TRPM7: variants seen among roughly 807,000 people sequenced by gnomAD.
The protein encoded by TRPM7 is transient receptor potential cation channel subfamily M member 7.
In TRPM7, 134 loss-of-function variants were observed where a neutral mutation model predicts 229.7. The observed-to-expected ratio is 0.58, with a 90% confidence interval of 0.51 to 0.67. TRPM7 has a LOEUF of 0.67. Among genes scored for constraint, TRPM7 ranks in the 30% least tolerant of loss-of-function variants. The pLI, the probability that TRPM7 is intolerant of heterozygous loss-of-function variation, is 0.00. For synonymous variants in TRPM7, 699 were observed against 715.2 expected (o/e 0.98, Z 0.36); for missense variants, 1,901 against 2,210.0 (o/e 0.86, Z 2.80).
At chr15:50,578,753 T>C (rs1031046193) in intron 30 of TRPM7, 89 bp from the exon 31 acceptor site, 53 of 862,426 alleles carry the variant, frequency 6.1e-5, no homozygotes, top group Middle Eastern at 7.6e-4. Context: ...ACAATTATTA[T>C]ATAAAAAATA....
intron 30 of TRPM7, among the ~76,000 whole-genome samples, chr15:50,579,064 A>C (rs1183498632): frequency 6.6e-6 from 1 of 152,228 alleles, no homozygotes; most frequent in African/African-American, 2.4e-5. Flanking sequence ...TTGATGGACA[A>C]AGAACTGAGA....
Position 50,612,645 on chromosome 15 carries a change from G to A in TRPM7, c.1955C>T (p.Ala652Val). The A allele has an allele frequency of 6.2e-7, 1 of 1,614,126 alleles. No individual in the cohort carries two copies. The highest frequency in any genetic ancestry group is 1.1e-5 in the South Asian group (1 of 91,080). Residue 652 changes from alanine (A) to valine (V), a missense_variant, in exon 16 of 39, where the codon GCA (alanine) becomes GTA (valine). Ala to Val is a moderately conservative substitution (Grantham distance 64). Transcript: ENST00000646667. ...WQHGEESMAK[A>V]LVACKIYRSM... is the part of the protein sequence containing the mutation. ...ACGATAGATCTTACAGGCAACTAATGCTTTAGCCATTGATTCTTCACCATG... is the reference window on the plus strand; with the variant it reads ...ACGATAGATCTTACAGGCAACTAATACTTTAGCCATTGATTCTTCACCATG...
At chr15:50,679,527 T>TTATATATATGTGTATATATATA (rs1567129381) in intron 1 of TRPM7, among the ~76,000 whole-genome samples, 7 of 49,962 alleles carry the variant, frequency 1.4e-4, no homozygotes, top group African/African-American at 2.7e-4. Flanking sequence ...TATATATATA[T>TTATATATATGTGTATATATATA]ATATATATAT....
At chr15:50,578,593 G>T in intron 31 of TRPM7, 46 bp downstream of exon 31, 4 of 1,578,316 alleles carry the variant, frequency 2.5e-6, no homozygotes, top group Non-Finnish European at 3.5e-6. Flanking sequence ...AACAGATCAT[G>T]TAAGATTCTC....
chr15:50,665,536 T>A (rs1449741515), intron 1 of TRPM7, among the ~76,000 whole-genome samples: 1 of 152,060 alleles, frequency 6.6e-6, no homozygotes, highest in Non-Finnish European at 1.5e-5. Flanking sequence ...CCACCAACAT[T>A]CAACACTTTA....
intron 38 of TRPM7, among the ~76,000 whole-genome samples, chr15:50,568,775 G>A (rs1476594936): frequency 1.3e-5 from 2 of 151,934 alleles, no homozygotes; most frequent in Non-Finnish European, 1.5e-5. Context: ...AGGAATTCGA[G>A]AGCAGCCTGG....
At chr15:50,598,099 T>C (rs1224329969) in intron 22 of TRPM7, among the ~76,000 whole-genome samples, 2 of 152,064 alleles carry the variant, frequency 1.3e-5, no homozygotes, top group Non-Finnish European at 2.9e-5. Flanking sequence ...ATCCTCTCAC[T>C]ACATGGCCAA....
chr15:50,652,971 A>C (rs2061466395), intron 3 of TRPM7, among the ~76,000 whole-genome samples: 1 of 152,122 alleles, frequency 6.6e-6, no homozygotes, highest in Admixed American at 6.6e-5. Context: ...GACCAGCCTG[A>C]CAACATGGCA....
chr15:50,620,081 T>C (rs2140537770), intron 12 of TRPM7, among the ~76,000 whole-genome samples: 1 of 152,332 alleles, frequency 6.6e-6, no homozygotes, highest in South Asian at 2.1e-4. Context: ...CTTTCATTGA[T>C]AATGGCGCTG....
At chr15:50,664,523 T>C (rs1318173525) in intron 1 of TRPM7, among the ~76,000 whole-genome samples, 2 of 152,140 alleles carry the variant, frequency 1.3e-5, no homozygotes, top group African/African-American at 4.8e-5. Flanking sequence ...AAACGTTAAA[T>C]CTGCCAGATT....
chr15:50,677,334 C>A (rs1404018834), intron 1 of TRPM7, among the ~76,000 whole-genome samples: 2 of 152,028 alleles, frequency 1.3e-5, no homozygotes, highest in East Asian at 3.9e-4. Context: ...TCTCCAAATA[C>A]CATCACACTG....
intron 17 of TRPM7, among the ~76,000 whole-genome samples, chr15:50,610,460 AT>A (rs1389982747): frequency 6.6e-6 from 1 of 152,166 alleles, no homozygotes; most frequent in South Asian, 2.1e-4. Context: ...AGAAATTGTA[AT>A]TGTGTAACAG....
chr15:50,618,387 G>A (rs199609089), intron 13 of TRPM7, among the ~76,000 whole-genome samples: 3 of 151,882 alleles, frequency 2.0e-5, no homozygotes, highest in Admixed American at 6.6e-5. Context: ...TGGCTAACAT[G>A]GTGAAACCCC....
chr15:50,680,446 G>A (rs2062216019), intron 1 of TRPM7, among the ~76,000 whole-genome samples: 1 of 151,742 alleles, frequency 6.6e-6, no homozygotes, highest in African/African-American at 2.4e-5. Context: ...GGCGCAACCT[G>A]TAACCTCAGC....
chr15:50,632,461 T>C (rs1265572893), intron 9 of TRPM7, among the ~76,000 whole-genome samples: 1 of 152,180 alleles, frequency 6.6e-6, no homozygotes, highest in Non-Finnish European at 1.5e-5. Context: ...TGAAAACTTA[T>C]GCCCACATTT....
intron 16 of TRPM7, among the ~76,000 whole-genome samples, chr15:50,612,222 C>T (rs1195484245): frequency 6.6e-6 from 1 of 152,164 alleles, no homozygotes; most frequent in Non-Finnish European, 1.5e-5. Context: ...TCCTGAGTAG[C>T]TGGGACCACA....
intron 38 of TRPM7, among the ~76,000 whole-genome samples, chr15:50,567,667 A>T (rs1043381102): frequency 2.0e-5 from 3 of 150,812 alleles, no homozygotes; most frequent in Non-Finnish European, 4.4e-5. Flanking sequence ...GCTCAACATT[A>T]AAAAAATCAA....
chr15:50,657,273 G>A (rs1427211676), intron 3 of TRPM7, among the ~76,000 whole-genome samples: 2 of 152,150 alleles, frequency 1.3e-5, no homozygotes, highest in Non-Finnish European at 2.9e-5. Flanking sequence ...GCAGTGAGCC[G>A]AGATTGTGCC....
chr15:50,594,278 TA>T, intron 24 of TRPM7, 150 bp downstream of exon 24: 5 of 625,694 alleles, frequency 8.0e-6, no homozygotes, highest in Non-Finnish European at 1.3e-5. Context: ...ATATTGCACT[TA>T]AAAATTCCTT....
Sources: allele counts gnomAD v4.1 joint callset (sites outside exome capture counted in the v4.1 genomes callset), GRCh38; gene constraint gnomAD v4.1.1; transcripts MANE v1.5; gene names NCBI Gene and HGNC (gene_info 2026-07-23, HGNC 2026-07-21).